KIAA0232: variants seen among roughly 807,000 people sequenced by gnomAD.
The protein encoded by KIAA0232 is KIAA0232.
In KIAA0232, 27 loss-of-function variants were observed where a neutral mutation model predicts 122.0. The observed-to-expected ratio is 0.22, with a 90% confidence interval of 0.16 to 0.31. The LOEUF (loss-of-function observed/expected upper bound fraction) is 0.31, where lower values mean the gene tolerates loss of function less well. KIAA0232 is among the 10% of genes least tolerant of loss of function. KIAA0232 has a pLI of 1.00. For synonymous variants in KIAA0232, 613 were observed against 587.6 expected, an observed-to-expected ratio of 1.04 and a Z score of -0.63; for missense variants, 1,551 against 1,634.2, an observed-to-expected ratio of 0.95 and a Z score of 0.88.
chr4:6,827,296 TA>T (rs1387969070), intron 3 of KIAA0232, among the ~76,000 whole-genome samples: 2 of 152,206 alleles, frequency 1.3e-5, no homozygotes, highest in African/African-American at 4.8e-5. Context: ...AGGGAGGATG[TA>T]CTTACGGTTT....
At chr4:6,874,447 T>C (rs1359848478) in intron 8 of KIAA0232, among the ~76,000 whole-genome samples, 1 of 152,148 alleles carries the variant, frequency 6.6e-6, no homozygotes, top group Admixed American at 6.5e-5. Context: ...GCCAGGCAGC[T>C]GGGAGCCAGA....
At chr4:6,816,344 G>T (rs764766213) in intron 2 of KIAA0232, among the ~76,000 whole-genome samples, 9 of 150,872 alleles carry the variant, frequency 6.0e-5, no homozygotes, top group African/African-American at 2.2e-4. Flanking sequence ...GTGCAGTGGC[G>T]TGATCTCGGC....
intron 2 of KIAA0232, among the ~76,000 whole-genome samples, chr4:6,807,024 G>GTCTA (rs1313933863): frequency 8.9e-6 from 1 of 111,884 alleles, no homozygotes; most frequent in African/African-American, 3.1e-5. Flanking sequence ...CTTTTTGTCT[G>GTCTA]TCTGTCTGTC....
intron 4 of KIAA0232, 121 bp from the exon 5 acceptor site, chr4:6,857,043 T>A (rs1720605143): frequency 1.7e-6 from 1 of 590,874 alleles, no homozygotes; most frequent in Non-Finnish European, 2.7e-6. Context: ...TAAATATTGG[T>A]AAGATATTTA....
At chr4:6,791,824 A>T (rs1214624473) in intron 1 of KIAA0232, among the ~76,000 whole-genome samples, 4 of 152,194 alleles carry the variant, frequency 2.6e-5, no homozygotes, top group Non-Finnish European at 5.9e-5. Flanking sequence ...ACAGATTGAT[A>T]CGGGTTGGCT....
rs367656934 is a variant in KIAA0232, at chr4:6,861,397, G to A, written c.1015G>A (p.Gly339Ser). 1.5e-5 allele frequency: 25 copies of A among 1,614,030 alleles called. No homozygotes were observed. Among genetic ancestry groups the A allele is most frequent in the South Asian group, 3.3e-5 (3 of 91,090 alleles). Residue 339 changes from glycine (G) to serine (S), a missense_variant, in exon 7 of 10, where the codon GGT becomes AGT. By Grantham distance (56) the Gly-to-Ser change is moderately conservative. Coordinates refer to ENST00000307659, the MANE Select transcript of KIAA0232 (RefSeq NM_014743.3). ...NGQSRLSLKH[G>S]EKAERNIHTG... ...GCAAAGCAGGCTTTCTTTGAAGCAC[G>A]GTGAAAAGGCTGAAAGGAACATTCA...
Position 6,863,656 on chromosome 4 carries a change from G to A in KIAA0232, c.3274G>A (p.Val1092Ile), listed in dbSNP as rs376305638. 5.0e-6 allele frequency: 8 copies of A among 1,614,068 alleles called. No homozygotes were observed. The African/African-American group carries it at 6.7e-5, about 13-fold the overall frequency. ...AGTGTTTCACCCCAGGATATGTGGT[G>A]TTGACAGAACACAATACAGGGCTAT... ...SEVFHPRICG[V>I]DRTQYRAIRI... Residue 1092 changes from valine (V) to isoleucine (I), a missense_variant, in exon 7 of 10, where the codon GTT (valine) becomes ATT (isoleucine). Transcript: ENST00000307659.
chr4:6,835,205 G>A (rs188875579), intron 3 of KIAA0232, among the ~76,000 whole-genome samples: 5 of 152,248 alleles, frequency 3.3e-5, no homozygotes, highest in Admixed American at 1.3e-4. Flanking sequence ...TGGTTGGCTG[G>A]GTCCCTCAAA....
At chr4:6,831,393 C>T (rs1461128079) in intron 3 of KIAA0232, among the ~76,000 whole-genome samples, 1 of 152,260 alleles carries the variant, frequency 6.6e-6, no homozygotes, top group Non-Finnish European at 1.5e-5. Context: ...TCTTTGCAGA[C>T]CACCTCCAAA....
chr4:6,878,955 A>C (rs981785776), intron 9 of KIAA0232, among the ~76,000 whole-genome samples: 1 of 151,946 alleles, frequency 6.6e-6, no homozygotes. Context: ...AGTTCACATC[A>C]TCCCTCCAGC....
chr4:6,787,349 C>T (rs745601717), intron 1 of KIAA0232, among the ~76,000 whole-genome samples: 5 of 152,132 alleles, frequency 3.3e-5, no homozygotes, highest in African/African-American at 1.2e-4. Context: ...ATTTGAAAGA[C>T]TCAGGTTTGC....
chr4:6,865,016 C>T (rs372829273), intron 7 of KIAA0232, among the ~76,000 whole-genome samples: 2 of 152,192 alleles, frequency 1.3e-5, no homozygotes. Flanking sequence ...AGAACCTATA[C>T]AGATGTATCT....
intron 3 of KIAA0232, among the ~76,000 whole-genome samples, chr4:6,833,373 A>T (rs1218678596): frequency 6.6e-6 from 1 of 152,028 alleles, no homozygotes; most frequent in Non-Finnish European, 1.5e-5. Context: ...AACCTTCCCT[A>T]TCCCTGAAAA....
At chr4:6,848,776 AG>A (rs1720111728) in intron 4 of KIAA0232, among the ~76,000 whole-genome samples, 1 of 152,244 alleles carries the variant, frequency 6.6e-6, no homozygotes, top group Non-Finnish European at 1.5e-5. Context: ...AAAATGTGTA[AG>A]GTGCCTGTCT....
chr4:6,866,238 C>G (rs900232293), intron 7 of KIAA0232: 5 of 983,478 alleles, frequency 5.1e-6, no homozygotes, highest in Non-Finnish European at 4.8e-6. Context: ...CTACATCATA[C>G]CACTACCATA....
Position 6,883,925 on chromosome 4 carries a change from A to G in KIAA0232, c.*2959A>G, listed in dbSNP as rs185379628. Reference sequence around the variant, plus strand: ...AGTGTACTATACTTGTTCTTCTATAACATCAGAAATAGGTTTTTACTCAGA... The same window carrying G: ...AGTGTACTATACTTGTTCTTCTATAGCATCAGAAATAGGTTTTTACTCAGA... On this transcript the variant is annotated 3_prime_UTR_variant, in exon 10 of 10. Transcript: ENST00000307659. 2 of 152,330 alleles carry G rather than the reference A, an allele frequency of 1.3e-5. No homozygotes were observed. Among genetic ancestry groups the G allele is most frequent in the East Asian group, 1.9e-4 (1 of 5,192 alleles). 9.4% of individuals were successfully genotyped at this position (152,330 alleles called of 1,614,324 possible).
intron 3 of KIAA0232, among the ~76,000 whole-genome samples, chr4:6,837,356 G>C (rs1018046616): frequency 1.3e-5 from 2 of 151,744 alleles, no homozygotes; most frequent in African/African-American, 4.8e-5. Flanking sequence ...CCAGACGATG[G>C]GCGGCCGGGC....
intron 1 of KIAA0232, among the ~76,000 whole-genome samples, chr4:6,794,670 C>T (rs781377232): frequency 1.6e-4 from 24 of 152,050 alleles, no homozygotes; most frequent in Non-Finnish European, 2.6e-4. Context: ...CAGAGCATTT[C>T]GAGGGGTAGA....
chr4:6,852,859 C>T (rs1286382553), intron 4 of KIAA0232, among the ~76,000 whole-genome samples: 2 of 152,158 alleles, frequency 1.3e-5, no homozygotes, highest in African/African-American at 4.8e-5. Context: ...ATGGAGAACA[C>T]TCAGAAGGTA....
Sources: allele counts gnomAD v4.1 joint callset (sites outside exome capture counted in the v4.1 genomes callset), GRCh38; gene constraint gnomAD v4.1.1; transcripts MANE v1.5; gene names NCBI Gene and HGNC (gene_info 2026-07-23, HGNC 2026-07-21).